Variants in ERBB4 observed in about 807,000 individuals in gnomAD.
ERBB4 encodes erb-b2 receptor tyrosine kinase 4.
ERBB4 carries 42 observed loss-of-function variants against 158.0 expected under a neutral mutation model. The observed-to-expected ratio is 0.27, with a 90% CI of 0.21 to 0.34. ERBB4 has a LOEUF of 0.34. ERBB4 is among the 10% of genes least tolerant of loss of function. The pLI, the probability that ERBB4 is intolerant of heterozygous loss-of-function variation, is 1.00. For synonymous variants in ERBB4, 583 were observed against 558.7 expected (o/e 1.04, Z -0.61); for missense variants, 1,333 against 1,624.1 (o/e 0.82, Z 3.08).
At chr2:212,536,175 A>T (rs1457066655) in intron 1 of ERBB4, among the ~76,000 whole-genome samples, 1 of 152,174 alleles carries the variant, frequency 6.6e-6, no homozygotes, top group Non-Finnish European at 1.5e-5. Context: ...ATATGTATTT[A>T]GTTGGGAACA....
chr2:211,400,835 T>A (rs535265585), intron 25 of ERBB4, among the ~76,000 whole-genome samples: 26 of 152,216 alleles, frequency 1.7e-4, no homozygotes, highest in African/African-American at 5.5e-4. Flanking sequence ...GAAACCCTAT[T>A]TACCCTGATG....
intron 20 of ERBB4, among the ~76,000 whole-genome samples, chr2:211,455,780 A>C (rs2064366216): frequency 6.6e-6 from 1 of 152,230 alleles, no homozygotes; most frequent in Non-Finnish European, 1.5e-5. Context: ...AGTTGCTGCC[A>C]GTTTCAAGAG....
chr2:211,769,568 C>A, intron 4 of ERBB4, among the ~76,000 whole-genome samples: 1 of 152,182 alleles, frequency 6.6e-6, no homozygotes, highest in Non-Finnish European at 1.5e-5. Context: ...GATAGGACAT[C>A]TGCAAATTGA....
intron 3 of ERBB4, among the ~76,000 whole-genome samples, chr2:211,818,375 G>A (rs1047836516): frequency 1.3e-5 from 2 of 152,058 alleles, no homozygotes; most frequent in Non-Finnish European, 1.5e-5. Context: ...ATATGGCAAG[G>A]AGTAAATTCT....
At chr2:212,322,376 G>C (rs2087606094) in intron 1 of ERBB4, among the ~76,000 whole-genome samples, 1 of 149,854 alleles carries the variant, frequency 6.7e-6, no homozygotes, top group African/African-American at 2.4e-5. Flanking sequence ...TCTGTCACCT[G>C]GTAAACACTC....
At chr2:211,394,034 C>A (rs1178694665) in intron 25 of ERBB4, among the ~76,000 whole-genome samples, 1 of 152,026 alleles carries the variant, frequency 6.6e-6, no homozygotes, top group Non-Finnish European at 1.5e-5. Context: ...CCCCGGGCAG[C>A]AATTCCTATG....
intron 3 of ERBB4, among the ~76,000 whole-genome samples, chr2:211,920,114 C>T (rs2079817312): frequency 6.6e-6 from 1 of 151,870 alleles, no homozygotes. Context: ...TTTAAAAATG[C>T]AACTGACATA....
At chr2:211,799,305 T>C (rs2076448073) in intron 3 of ERBB4, among the ~76,000 whole-genome samples, 1 of 152,224 alleles carries the variant, frequency 6.6e-6, no homozygotes, top group African/African-American at 2.4e-5. Context: ...GCCTCCATTA[T>C]AGCTCTGTAA....
chr2:212,071,542 A>G (rs2078118372), intron 2 of ERBB4, among the ~76,000 whole-genome samples: 1 of 152,022 alleles, frequency 6.6e-6, no homozygotes, highest in South Asian at 2.1e-4. Context: ...ACAAAAGACA[A>G]TAATCTTCTA....
rs532564356 is a variant in ERBB4 at position 212,094,976 on chromosome 2, C to T, written c.234+29776G>A. On this transcript the variant is annotated intron_variant, in intron 2 of 27. Transcript: ENST00000342788. ...ATAGGGCAGAAAGTGATATGAAATT[C>T]CTCAGCACAATTACTAAGTTTCTGA... Among the ~76,000 whole-genome samples the T allele has an allele frequency of 2.0e-5, 3 of 148,414 alleles. No homozygotes were observed. The East Asian group carries it at 5.8e-4, about 29-fold the overall frequency.
intron 1 of ERBB4, among the ~76,000 whole-genome samples, chr2:212,430,287 C>A (rs1370323596): frequency 6.6e-6 from 1 of 152,022 alleles, no homozygotes; most frequent in African/African-American, 2.4e-5. Flanking sequence ...AAATCTACAC[C>A]ATGTCTATAT....
chr2:212,428,374 C>T lies in ERBB4; in HGVS notation c.82+110075G>A, dbSNP rs568077234. Among the ~76,000 whole-genome samples the T allele has an allele frequency of 1.8e-4, 27 of 152,134 alleles. 1 individual carries two copies. The South Asian group carries it at 5.6e-3, about 32-fold the overall frequency. The stretch of plus-strand genomic sequence containing the variant: ...ATAGCTAGGCCATTATATTTCCTTG[C>T]CTCATTGGTTTTTCCAGAGATAATC... On this transcript the variant is annotated intron_variant, in intron 1 of 27. Coordinates refer to ENST00000342788, the MANE Select transcript of ERBB4 (RefSeq NM_005235.3).
chr2:211,939,020 C>A (rs1171920643), intron 3 of ERBB4, among the ~76,000 whole-genome samples: 1 of 152,076 alleles, frequency 6.6e-6, no homozygotes, highest in Non-Finnish European at 1.5e-5. Flanking sequence ...AAATCAAATT[C>A]AGTATTTACA....
chr2:211,497,661 T>G (rs752819817), intron 20 of ERBB4, among the ~76,000 whole-genome samples: 1 of 152,070 alleles, frequency 6.6e-6, no homozygotes, highest in Non-Finnish European at 1.5e-5. Context: ...TGACAGGACT[T>G]GCTACAAGTG....
chr2:212,349,107 G>A (rs902669736), intron 1 of ERBB4, among the ~76,000 whole-genome samples: 3 of 152,040 alleles, frequency 2.0e-5, no homozygotes, highest in Non-Finnish European at 4.4e-5. Flanking sequence ...GGTATCATGA[G>A]GTGATATGTC....
intron 19 of ERBB4, among the ~76,000 whole-genome samples, chr2:211,596,690 T>G (rs925488374): frequency 6.6e-6 from 1 of 152,134 alleles, no homozygotes; most frequent in Non-Finnish European, 1.5e-5. Context: ...TTCCCCCCTC[T>G]GATCTATCTC....
chr2:212,519,414 G>A (rs1560538766), intron 1 of ERBB4, among the ~76,000 whole-genome samples: 1 of 151,742 alleles, frequency 6.6e-6, no homozygotes, highest in African/African-American at 2.4e-5. Context: ...TCTTTTTCAA[G>A]AATGTATTGA....
chr2:212,121,732 T>G (rs7576561), intron 2 of ERBB4, among the ~76,000 whole-genome samples: 1 of 151,822 alleles, frequency 6.6e-6, no homozygotes, highest in Non-Finnish European at 1.5e-5. Flanking sequence ...GAGTCACATG[T>G]GATTTATTTG....
chr2:212,394,554 T>C (rs975504073), intron 1 of ERBB4, among the ~76,000 whole-genome samples: 7 of 152,056 alleles, frequency 4.6e-5, no homozygotes, highest in African/African-American at 1.7e-4. Context: ...ATAATTTAAT[T>C]TATAGACCAT....
Sources: allele counts gnomAD v4.1 joint callset (sites outside exome capture counted in the v4.1 genomes callset), GRCh38; gene constraint gnomAD v4.1.1; transcripts MANE v1.5; gene names NCBI Gene and HGNC (gene_info 2026-07-23, HGNC 2026-07-21).